YWHAG: variants seen among roughly 807,000 people sequenced by gnomAD.
YWHAG encodes the protein 14-3-3 protein gamma.
Under a neutral mutation model 23.3 loss-of-function variants are expected in YWHAG, and 1 was observed. The observed-to-expected ratio is 0.04, with a 90% CI of 0.02 to 0.20. YWHAG has a LOEUF of 0.20. Ranked by LOEUF, YWHAG falls within the 10% of genes least tolerant of loss-of-function variation. The pLI is 1.00. For synonymous variants in YWHAG, 160 were observed against 144.0 expected, an observed-to-expected ratio of 1.11 and a Z score of -0.80; for missense variants, 151 against 338.6, an observed-to-expected ratio of 0.45 and a Z score of 4.35.
Position 76,335,191 on chromosome 7 carries a change from G to C in YWHAG, c.88-4958C>G, listed in dbSNP as rs549695371. Among the ~76,000 whole-genome samples, 153 of 152,226 alleles carry C rather than the reference G, an allele frequency of 1.0e-3. 3 individuals carry two copies. The highest frequency in any genetic ancestry group is 4.9e-4 in the Non-Finnish European group (33 of 68,026). ...TCCTGCCTCAGCCTCCCGAGTACCT[G>C]GGATTACAGGCGTGTGCCACTACGC... On this transcript the variant is annotated intron_variant, in intron 1 of 1. Coordinates refer to ENST00000307630, the MANE Select transcript of YWHAG (RefSeq NM_012479.4).
chr7:76,334,912 T>C, intron 1 of YWHAG, among the ~76,000 whole-genome samples: 1 of 152,168 alleles, frequency 6.6e-6, no homozygotes, highest in Admixed American at 6.6e-5. Flanking sequence ...GCAACACTTG[T>C]AAACATGGTC....
At chr7:76,334,452 G>A (rs1011605069) in intron 1 of YWHAG, among the ~76,000 whole-genome samples, 7 of 152,206 alleles carry the variant, frequency 4.6e-5, no homozygotes, top group Admixed American at 6.6e-5. Context: ...AACAGAGACA[G>A]GGTCTCACTC....
intron 1 of YWHAG, among the ~76,000 whole-genome samples, chr7:76,347,006 C>T (rs1803788338): frequency 6.6e-6 from 1 of 152,160 alleles, no homozygotes; most frequent in Non-Finnish European, 1.5e-5. Context: ...GTCCTATGCC[C>T]TCTGCCTGGC....
intron 1 of YWHAG, among the ~76,000 whole-genome samples, chr7:76,350,175 C>G (rs1803853164): frequency 6.6e-6 from 1 of 152,192 alleles, no homozygotes; most frequent in African/African-American, 2.4e-5. Context: ...AAGGCAATCA[C>G]TCCAAAGAAG....
intron 1 of YWHAG, among the ~76,000 whole-genome samples, chr7:76,348,236 A>G (rs533485697): frequency 6.6e-6 from 1 of 151,910 alleles, no homozygotes; most frequent in East Asian, 1.9e-4. Flanking sequence ...TAGAAAAAAC[A>G]AAAACTTAAA....
At chr7:76,333,479 A>G (rs78061308) in intron 1 of YWHAG, among the ~76,000 whole-genome samples, 4,129 of 152,342 alleles carry the variant, frequency 0.027, 199 homozygotes, top group African/African-American at 0.093. Context: ...ATTTTCCTTC[A>G]TTTTAGTTCT....
intron 1 of YWHAG, among the ~76,000 whole-genome samples, chr7:76,337,070 T>C (rs1803626875): frequency 6.6e-6 from 1 of 152,188 alleles, no homozygotes; most frequent in South Asian, 2.1e-4. Context: ...AACTAAACAC[T>C]GAAAATAACC....
intron 1 of YWHAG, among the ~76,000 whole-genome samples, chr7:76,334,373 G>C (rs185517193): frequency 3.2e-4 from 48 of 152,300 alleles, no homozygotes; most frequent in Admixed American, 1.0e-3. Context: ...GAAGATACGG[G>C]ATCTTGTATC....
At position 76,344,257 on chromosome 7, in the gene YWHAG, C is replaced by T. The variant is rs188004321; in HGVS notation, c.88-14024G>A. On this transcript the variant is annotated intron_variant, in intron 1 of 1. Transcript: ENST00000307630. ...TCCCAAGTATCTGGGACCACAGGTG[C>T]ATGCCACCACGTCTGGCTAATTTTT... 1.2e-3 allele frequency among the ~76,000 whole-genome samples: 187 copies of T among 152,254 alleles called. 1 individual carries two copies. Among genetic ancestry groups the T allele is most frequent in the Non-Finnish European group, 3.1e-4 (21 of 68,024 alleles).
chr7:76,340,967 C>T (rs566159126), intron 1 of YWHAG, among the ~76,000 whole-genome samples: 1 of 152,296 alleles, frequency 6.6e-6, no homozygotes, highest in South Asian at 2.1e-4. Context: ...GCCTCGGGCT[C>T]AAGCAATCCT....
chr7:76,327,595 C>CA lies in YWHAG; in HGVS notation c.*1981dup, dbSNP rs1803463758. On this transcript the variant is annotated 3_prime_UTR_variant, in exon 2 of 2. Transcript: ENST00000307630. Reference sequence around the variant, plus strand: ...TTTTGTAATTCCAGTAAATCATTTCCAAATGCTACAAGGAAAAACGCAACA... The same window carrying CA: ...TTTTGTAATTCCAGTAAATCATTTCCAAAATGCTACAAGGAAAAACGCAACA... 6.7e-6 allele frequency: 1 copy of CA among 148,714 alleles called. No homozygotes were observed. Among genetic ancestry groups the CA allele is most frequent in the South Asian group, 2.1e-4 (1 of 4,760 alleles). 9.2% of individuals were successfully genotyped at this position (148,714 alleles called of 1,614,324 possible). A position where few individuals can be genotyped will look rare whatever the true frequency, so the allele number is the denominator to read the frequency against.
At chr7:76,331,902 G>C (rs1332335035) in intron 1 of YWHAG, among the ~76,000 whole-genome samples, 1 of 151,940 alleles carries the variant, frequency 6.6e-6, no homozygotes, top group Non-Finnish European at 1.5e-5. Flanking sequence ...AGTGATTACA[G>C]TCATTACTTC....
rs764461978 is a variant in YWHAG at position 76,330,075 on chromosome 7, G to A, written c.246C>T (p.Val82=). The change falls in exon 2 of 2, where the codon GTC becomes GTT. Residue 82 remains valine (V), a synonymous_variant. Transcript: ENST00000307630. ...TCTCTATCTTCTCCCGGTACGCACG[G>A]ACCATCTCAATCTTCTTCTCATTGC... ...ADGNEKKIEM[V]RAYREKIEKE... is the part of the protein sequence containing the mutation. The A allele has an allele frequency of 1.2e-6, 2 of 1,614,130 alleles. No individual in the cohort carries two copies. The highest frequency in any genetic ancestry group is 1.1e-5 in the South Asian group (1 of 91,076).
chr7:76,342,823 C>A (rs2115623860), intron 1 of YWHAG, among the ~76,000 whole-genome samples: 1 of 151,964 alleles, frequency 6.6e-6, no homozygotes, highest in East Asian at 1.9e-4. Context: ...GACTTTCCCA[C>A]CAAAAAATTA....
chr7:76,327,814 G>A lies in YWHAG; in HGVS notation c.*1763C>T, dbSNP rs1486533696. On this transcript the variant is annotated 3_prime_UTR_variant, in exon 2 of 2. Coordinates refer to ENST00000307630, the MANE Select transcript of YWHAG (RefSeq NM_012479.4). The stretch of plus-strand genomic sequence containing the variant: ...TGGGACTTTTACTCTAGCGTGAGGA[G>A]GGGGCCTCCTAAGGAAAGTCATGCT... 1 of 151,996 alleles carries A rather than the reference G, an allele frequency of 6.6e-6. No individual in the cohort carries two copies. The highest frequency in any genetic ancestry group is 2.4e-5 in the African/African-American group (1 of 41,360). 9.4% of individuals were successfully genotyped at this position (151,996 alleles called of 1,614,324 possible).
intron 1 of YWHAG, among the ~76,000 whole-genome samples, chr7:76,338,566 T>C (rs1803648294): frequency 6.6e-6 from 1 of 152,128 alleles, no homozygotes; most frequent in South Asian, 2.1e-4. Flanking sequence ...CTTGTGCTCT[T>C]TTTCTATGCT....
chr7:76,329,350 C>T lies in YWHAG; in HGVS notation c.*227G>A, dbSNP rs944190086. The T allele has an allele frequency of 2.1e-5, 12 of 577,966 alleles. No individual in the cohort carries two copies. Among genetic ancestry groups the T allele is most frequent in the African/African-American group, 5.6e-5 (3 of 53,592 alleles). 35.8% of individuals were successfully genotyped at this position (577,966 alleles called of 1,614,324 possible). A position where few individuals can be genotyped will look rare whatever the true frequency, so the allele number is the denominator to read the frequency against. ...GCATGAATCTACAGAACAGTCCAGA[C>T]GCCAGTGTGAGGCTGCTATTCCAAT... On this transcript the variant is annotated 3_prime_UTR_variant, in exon 2 of 2. Coordinates refer to ENST00000307630, the MANE Select transcript of YWHAG (RefSeq NM_012479.4). The surrounding 1 kb of genome is among the most constrained non-coding windows in gnomAD (Gnocchi z 6.1).
At chr7:76,354,248 C>T (rs745847853) in intron 1 of YWHAG, among the ~76,000 whole-genome samples, 51 of 152,130 alleles carry the variant, frequency 3.4e-4, no homozygotes, top group Non-Finnish European at 6.0e-4. Context: ...CGGTGGCTCA[C>T]GCCTGTAATC....
rs549613781 is a variant in YWHAG, at chr7:76,328,258, T to A, written c.*1319A>T. On this transcript the variant is annotated 3_prime_UTR_variant, in exon 2 of 2. Transcript: ENST00000307630. ...CTGCGTGAGACAAGCCAATCTCCAA[T>A]TCCTATGCTTTTTTCATTAAAAAGA... 6.6e-6 allele frequency: 1 copy of A among 152,274 alleles called. No homozygotes were observed. The highest frequency in any genetic ancestry group is 1.9e-4 in the East Asian group (1 of 5,188). 9.4% of individuals were successfully genotyped at this position (152,274 alleles called of 1,614,324 possible). A position where few individuals can be genotyped will look rare whatever the true frequency, so the allele number is the denominator to read the frequency against.
Sources: gnomAD v4.1 joint callset for allele counts (sites outside exome capture counted in the v4.1 genomes callset) on GRCh38, gnomAD v4.1.1 for gene constraint, Gnocchi (gnomAD v3.1) non-coding constraint, MANE v1.5 for transcripts, NCBI Gene and HGNC (gene_info 2026-07-23, HGNC 2026-07-21) for gene names.